Variants in FAAH2 observed in about 807,000 individuals in gnomAD.
The protein encoded by FAAH2 is fatty-acid amide hydrolase 2.
Under a neutral mutation model 36.9 loss-of-function variants are expected in FAAH2, and 60 were observed. The observed-to-expected ratio is 1.63, with a 90% CI of 1.32 to 2.02. FAAH2 has a LOEUF of 2.02. Ranked by LOEUF, FAAH2 falls within the 30% of genes most tolerant of loss-of-function variation. FAAH2 has a pLI of 0.00. For missense variants in FAAH2, 689 were observed against 397.5 expected, an observed-to-expected ratio of 1.73 and a Z score of -6.23; for synonymous variants, 214 against 143.8, an observed-to-expected ratio of 1.49 and a Z score of -3.49.
intron 5 of FAAH2, among the ~76,000 whole-genome samples, chrX:57,374,210 T>C (rs865833080): frequency 8.1e-5 from 9 of 111,640 alleles, no homozygotes; most frequent in African/African-American, 2.6e-4. Context: ...ACTTTTTGGG[T>C]CCCATATGAA....
the FAAH2 span, among the ~76,000 whole-genome samples, chrX:57,231,634 C>T: frequency 3.6e-5 from 4 of 111,341 alleles, no homozygotes; most frequent in Admixed American, 9.6e-5. Context: ...ATATTGTTAT[C>T]CTCACAGTAC....
the FAAH2 span, among the ~76,000 whole-genome samples, chrX:57,241,430 C>T: frequency 5.0e-3 from 446 of 88,677 alleles, 1 homozygote; most frequent in Middle Eastern, 0.013. Flanking sequence ...CTATAAGGAG[C>T]TTAAACAAAA....
chrX:57,196,114 T>C, the FAAH2 span, among the ~76,000 whole-genome samples: 2 of 111,938 alleles, frequency 1.8e-5, no homozygotes, highest in Non-Finnish European at 3.8e-5. Context: ...AATTTTAGCA[T>C]AGTTTTTTCT....
At chrX:57,445,400 A>AGTAC (rs2056654067) in intron 8 of FAAH2, among the ~76,000 whole-genome samples, 1 of 111,714 alleles carries the variant, frequency 9.0e-6, no homozygotes, top group Non-Finnish European at 1.9e-5. Flanking sequence ...GGATGACATG[A>AGTAC]GTACTCCTGT....
chrX:57,351,040 C>A (rs901198947), intron 5 of FAAH2, among the ~76,000 whole-genome samples: 2 of 111,426 alleles, frequency 1.8e-5, no homozygotes, highest in African/African-American at 3.2e-5. Flanking sequence ...AATATACATT[C>A]TTTTCATCAA....
intron 7 of FAAH2, chrX:57,394,705 T>G (rs1173872396): frequency 1.1e-6 from 1 of 888,106 alleles, no homozygotes; most frequent in Non-Finnish European, 1.7e-6. Context: ...TGGGACATAA[T>G]TGATTCCACA....
At chrX:57,240,983 G>A in the FAAH2 span, among the ~76,000 whole-genome samples, 1 of 111,975 alleles carries the variant, frequency 8.9e-6, no homozygotes, top group African/African-American at 3.2e-5. Context: ...ACATGAACAT[G>A]TTATGCCTCA....
intron 8 of FAAH2, among the ~76,000 whole-genome samples, chrX:57,433,812 A>G (rs939184923): frequency 1.8e-5 from 2 of 112,248 alleles, no homozygotes; most frequent in African/African-American, 6.5e-5. Flanking sequence ...CTCTTAAAAA[A>G]TGGTTGTAGT....
chrX:57,124,108 G>C, the FAAH2 span, among the ~76,000 whole-genome samples: 1 of 111,355 alleles, frequency 9.0e-6, no homozygotes, highest in Non-Finnish European at 1.9e-5. Flanking sequence ...TATTGCCTAG[G>C]TTTTCTTCTA....
chrX:57,135,405 G>A, the FAAH2 span: 2 of 162,277 alleles, frequency 1.2e-5, no homozygotes, highest in South Asian at 1.4e-4. Context: ...TCCCTTTCTG[G>A]CCCTTTTCCA....
At chrX:57,146,957 C>T in the FAAH2 span, among the ~76,000 whole-genome samples, 1 of 111,363 alleles carries the variant, frequency 9.0e-6, no homozygotes, top group Admixed American at 9.5e-5. Context: ...TGCTGCTGGA[C>T]TTGGTTAGCT....
chrX:57,352,046 A>ATATG (rs1396308093), intron 5 of FAAH2, among the ~76,000 whole-genome samples: 1 of 39,912 alleles, frequency 2.5e-5, no homozygotes, highest in Non-Finnish European at 3.9e-5. Context: ...ACATATATAT[A>ATATG]TGTGTATATA....
At chrX:57,271,427 A>G in the FAAH2 span, among the ~76,000 whole-genome samples, 50,428 of 111,297 alleles carry the variant, frequency 0.45, 11,435 homozygotes, top group African/African-American at 0.89. Context: ...AGGGTCAGAC[A>G]GCCTCCACAA....
the FAAH2 span, chrX:57,137,308 C>A: frequency 2.6e-6 from 2 of 757,838 alleles, no homozygotes; most frequent in Non-Finnish European, 3.1e-6. Context: ...GGTCAACAGG[C>A]GACTCGCTGA....
chrX:57,216,530 A>ACG, the FAAH2 span, among the ~76,000 whole-genome samples: 4 of 73,812 alleles, frequency 5.4e-5, no homozygotes, highest in African/African-American at 2.4e-4. Context: ...GTATATGTAT[A>ACG]TATATATATA....
chrX:57,311,411 T>C (rs1307396007), intron 3 of FAAH2, among the ~76,000 whole-genome samples: 1 of 111,906 alleles, frequency 8.9e-6, no homozygotes, highest in Non-Finnish European at 1.9e-5. Context: ...TCACCAGGAA[T>C]CTTTGGGATC....
chrX:57,369,003 G>T, intron 5 of FAAH2, among the ~76,000 whole-genome samples: 1 of 108,818 alleles, frequency 9.2e-6, no homozygotes, highest in African/African-American at 3.4e-5. Flanking sequence ...GTATGAATGA[G>T]AAATTGATCA....
chrX:57,210,265 T>C, the FAAH2 span, among the ~76,000 whole-genome samples: 2 of 111,440 alleles, frequency 1.8e-5, no homozygotes, highest in African/African-American at 6.5e-5. Context: ...AAGTCCCAAC[T>C]CATATTTTGG....
chrX:57,406,202 G>T (rs1453461388), intron 7 of FAAH2, among the ~76,000 whole-genome samples: 1 of 112,036 alleles, frequency 8.9e-6, no homozygotes, highest in African/African-American at 3.3e-5. Context: ...CTCTGTATGA[G>T]TTCTTTGGCT....
Sources: allele counts gnomAD v4.1 joint callset (sites outside exome capture counted in the v4.1 genomes callset), GRCh38; gene constraint gnomAD v4.1.1; transcripts MANE v1.5; gene names NCBI Gene and HGNC (gene_info 2026-07-23, HGNC 2026-07-21).